Variants in EGFR observed in about 807,000 individuals in gnomAD.
EGFR encodes epidermal growth factor receptor.
In EGFR, 58 loss-of-function variants were observed where a neutral mutation model predicts 143.0. That is an observed-to-expected ratio of 0.41 (90% CI 0.33 to 0.50). The LOEUF is 0.50. EGFR is among the 20% of genes least tolerant of loss of function. The probability of loss-of-function intolerance (pLI) is 0.39; values close to 1 mark genes in which losing one functional copy is unlikely to be tolerated. For synonymous variants in EGFR, 613 were observed against 594.4 expected (o/e 1.03, Z -0.45); for missense variants, 1,307 against 1,579.0 (o/e 0.83, Z 2.92).
chr7:55,190,275 C>G (rs773198979), intron 20 of EGFR, among the ~76,000 whole-genome samples: 1 of 152,006 alleles, frequency 6.6e-6, no homozygotes, highest in East Asian at 1.9e-4. Flanking sequence ...GGAGCGCTCT[C>G]GGCAGTGCAG....
intron 1 of EGFR, among the ~76,000 whole-genome samples, chr7:55,108,695 C>G (rs1402255653): frequency 1.3e-5 from 2 of 152,170 alleles, no homozygotes. Flanking sequence ...AGTATAGTCA[C>G]TCCAAACCAA....
At position 55,201,613 on chromosome 7, in the gene EGFR, T is replaced by C. The variant is rs1472313945; in HGVS notation, c.3115-122T>C. ...AACCTAGTTGCTCTAAAACTAACGA[T>C]TAAGACAAAAATTAAACACCTTCAC... On this transcript the variant is annotated intron_variant, in intron 25 of 27. Coordinates refer to ENST00000275493, the MANE Select transcript of EGFR (RefSeq NM_005228.5). 4.1e-5 allele frequency: 56 copies of C among 1,357,058 alleles called. No homozygotes were observed. The East Asian group carries it at 8.1e-4, about 20-fold the overall frequency. 84.1% of individuals were successfully genotyped at this position (1,357,058 alleles called of 1,614,324 possible).
chr7:55,206,947 CACA>C lies in EGFR; in HGVS notation c.*1334_*1336del, dbSNP rs1788122208. On this transcript the variant is annotated 3_prime_UTR_variant, in exon 28 of 28. Coordinates refer to ENST00000275493, the MANE Select transcript of EGFR (RefSeq NM_005228.5). ...TAGGGTTTGAAATTGATAATGCTTT[CACA>C]ACATTTGCAGATGTTTTAGAAGGAA... The C allele has an allele frequency of 4.3e-6, 1 of 233,072 alleles. No homozygotes were observed. The highest frequency in any genetic ancestry group is 8.5e-6 in the Non-Finnish European group (1 of 118,016). 14.4% of individuals were successfully genotyped at this position (233,072 alleles called of 1,614,324 possible).
At chr7:55,125,432 G>C (rs1394339622) in intron 1 of EGFR, among the ~76,000 whole-genome samples, 1 of 152,164 alleles carries the variant, frequency 6.6e-6, no homozygotes, top group African/African-American at 2.4e-5. Context: ...AGAGTCACCT[G>C]TCACCAGGGC....
At position 55,202,501 on chromosome 7, in the gene EGFR, T is replaced by C. The variant is rs1431585569; in HGVS notation, c.3163-16T>C. On this transcript the variant is annotated splice_polypyrimidine_tract_variant and intron_variant, in intron 26 of 27. Coordinates refer to ENST00000275493, the MANE Select transcript of EGFR (RefSeq NM_005228.5). ...CAGCCCTGACCGGAGTAACCTTCCC[T>C]CATTTCCTCCTGCAGCTGCAAAGCT... is the stretch of plus-strand genomic sequence containing the variant. 1.9e-6 allele frequency: 3 copies of C among 1,591,298 alleles called. No homozygotes were observed. The highest frequency in any genetic ancestry group is 2.6e-6 in the Non-Finnish European group (3 of 1,167,806).
intron 10 of EGFR, 96 bp downstream of exon 10, chr7:55,156,928 T>A (rs1327036754): frequency 6.3e-7 from 1 of 1,583,982 alleles, no homozygotes; most frequent in Non-Finnish European, 8.6e-7. Flanking sequence ...AATAAAAACA[T>A]TTCTTCTGAA....
chr7:55,195,368 A>G (rs1024460336), intron 22 of EGFR, among the ~76,000 whole-genome samples: 2 of 152,208 alleles, frequency 1.3e-5, no homozygotes, highest in Non-Finnish European at 2.9e-5. Context: ...GGTTGTCTGA[A>G]AAAACACTGG....
At chr7:55,028,161 G>A (rs937493880) in intron 1 of EGFR, among the ~76,000 whole-genome samples, 1 of 151,830 alleles carries the variant, frequency 6.6e-6, no homozygotes, top group Non-Finnish European at 1.5e-5. Flanking sequence ...GCAGGCCAGT[G>A]CACAGCAGAT....
In EGFR at chr7:55,205,575, C is replaced by A. The variant is rs376541336; in HGVS notation, c.3591C>A (p.Tyr1197Ter). The change falls in exon 28 of 28, where the codon TAC becomes TAA. Residue 1197 changes from tyrosine to a stop codon, truncating the protein, a stop_gained. Transcript: ENST00000275493. LOFTEE classifies it high-confidence loss of function. ...GCTCCACAGCTGAAAATGCAGAATA[C>A]CTAAGGGTCGCGCCACAAAGCAGTG... is the stretch of plus-strand genomic sequence containing the variant. ...FKGSTAENAEYLRVAPQSSEF... is the reference protein window; with the variant it reads ...FKGSTAENAE The A allele has an allele frequency of 6.2e-7, 1 of 1,614,164 alleles. No homozygotes were observed.
intron 1 of EGFR, among the ~76,000 whole-genome samples, chr7:55,138,113 T>C (rs1794256387): frequency 6.6e-6 from 1 of 152,060 alleles, no homozygotes; most frequent in Non-Finnish European, 1.5e-5. Flanking sequence ...GACAGAAAAA[T>C]AGATATGTGA....
chr7:55,180,032 G>T (rs966477284), intron 19 of EGFR: 5 of 152,322 alleles, frequency 3.3e-5, no homozygotes, highest in African/African-American at 1.2e-4. Context: ...CCTTGCCTTT[G>T]TCTCCTGTCT....
At chr7:55,141,485 C>T (rs1794455336) in intron 1 of EGFR, among the ~76,000 whole-genome samples, 1 of 152,122 alleles carries the variant, frequency 6.6e-6, no homozygotes, top group Admixed American at 6.5e-5. Flanking sequence ...AACTGTGCCT[C>T]CGCCTGTGCT....
At chr7:55,177,966 G>A (rs1162849958) in intron 19 of EGFR, among the ~76,000 whole-genome samples, 1 of 152,208 alleles carries the variant, frequency 6.6e-6, no homozygotes, top group East Asian at 1.9e-4. Context: ...TGCCTGCTGG[G>A]TGGGGAGGAA....
At chr7:55,036,723 A>G (rs1296089520) in intron 1 of EGFR, among the ~76,000 whole-genome samples, 5 of 152,202 alleles carry the variant, frequency 3.3e-5, no homozygotes, top group Non-Finnish European at 7.3e-5. Context: ...TCTTACTGTT[A>G]CTGCAATTTA....
intron 1 of EGFR, among the ~76,000 whole-genome samples, chr7:55,021,399 G>A (rs906124952): frequency 6.6e-6 from 1 of 152,168 alleles, no homozygotes; most frequent in Admixed American, 6.5e-5. Context: ...CCCTCCATTG[G>A]TGTTCTCATT....
chr7:55,196,041 G>A (rs1182528326), intron 22 of EGFR, among the ~76,000 whole-genome samples: 2 of 152,076 alleles, frequency 1.3e-5, no homozygotes, highest in African/African-American at 2.4e-5. Flanking sequence ...TGGGATTGCC[G>A]GGTCAAATGG....
intron 1 of EGFR, among the ~76,000 whole-genome samples, chr7:55,138,253 G>A (rs1794266040): frequency 6.6e-6 from 1 of 152,120 alleles, no homozygotes; most frequent in Admixed American, 6.5e-5. Flanking sequence ...TAAGTCATAG[G>A]GCCTGCTGCT....
At chr7:55,161,384 T>C (rs1785691917) in intron 12 of EGFR, 115 bp from the exon 13 acceptor site, 3 of 1,401,012 alleles carry the variant, frequency 2.1e-6, no homozygotes, top group Non-Finnish European at 2.8e-6. Flanking sequence ...AGCCAGCATG[T>C]CTGTGTCACC....
chr7:55,079,592 G>T (rs78938654), intron 1 of EGFR, among the ~76,000 whole-genome samples: 21 of 84,270 alleles, frequency 2.5e-4, no homozygotes, highest in African/African-American at 6.6e-4. Context: ...GCGTTTTTTT[G>T]TTTGTTTGTT....
Sources: allele counts gnomAD v4.1 joint callset (sites outside exome capture counted in the v4.1 genomes callset), GRCh38; gene constraint gnomAD v4.1.1; transcripts MANE v1.5; gene names NCBI Gene and HGNC (gene_info 2026-07-23, HGNC 2026-07-21).